C5orf52: variants seen among roughly 807,000 people sequenced by gnomAD.
C5orf52 encodes uncharacterized protein C5orf52.
C5orf52 carries 15 observed loss-of-function variants against 16.8 expected under a neutral mutation model. The ratio of observed to expected loss-of-function variants is 0.89; its 90% CI spans 0.60 to 1.38. The LOEUF (loss-of-function observed/expected upper bound fraction) is 1.38, where lower values mean the gene tolerates loss of function less well. C5orf52 is among the 40% of genes most tolerant of loss of function. The pLI, the probability that C5orf52 is intolerant of heterozygous loss-of-function variation, is 0.00. For synonymous variants in C5orf52, 83 were observed against 87.2 expected, an observed-to-expected ratio of 0.95 and a Z score of 0.27; for missense variants, 206 against 213.1, an observed-to-expected ratio of 0.97 and a Z score of 0.21.
intron 1 of C5orf52, among the ~76,000 whole-genome samples, chr5:157,673,108 A>C (rs2113864692): frequency 6.6e-6 from 1 of 151,706 alleles, no homozygotes; most frequent in Non-Finnish European, 1.5e-5. Flanking sequence ...GAGGCTGAGG[A>C]GGGTGGATCG....
upstream of C5orf52, chr5:157,671,425 C>A (rs1759785278): frequency 3.4e-6 from 2 of 589,078 alleles, no homozygotes; most frequent in Non-Finnish European, 3.1e-6. Context: ...CGTCCGTGGC[C>A]GCCGGACTCT....
rs745466977 is a variant in C5orf52, at chr5:157,671,802, C to T, written c.188C>T (p.Ser63Phe). The T allele has an allele frequency of 6.5e-7, 1 of 1,542,720 alleles. No individual in the cohort carries two copies. The highest frequency in any genetic ancestry group is 1.2e-5 in the South Asian group (1 of 82,672). Residue 63 changes from serine to phenylalanine, a missense_variant, in exon 1 of 3, where the codon TCC becomes TTC. Physicochemically the swap from Ser to Phe is radical, Grantham distance 155. Transcript: ENST00000409999. ...QPQICFPRPR[S>F]AQQPVLFSLM... The stretch of plus-strand genomic sequence containing the variant: ...CAGATCTGCTTTCCGCGGCCGAGGT[C>T]CGCGCAGCAGCCGGTGCTGTTCAGG...
intron 1 of C5orf52, among the ~76,000 whole-genome samples, chr5:157,672,621 C>T (rs1759818212): frequency 6.6e-6 from 1 of 152,046 alleles, no homozygotes; most frequent in Non-Finnish European, 1.5e-5. Context: ...CCAGCCTTTT[C>T]CATCACCTCA....
intron 2 of C5orf52, among the ~76,000 whole-genome samples, chr5:157,677,858 C>A (rs1411672777): frequency 6.6e-6 from 1 of 152,010 alleles, no homozygotes; most frequent in East Asian, 1.9e-4. Flanking sequence ...GTGGCTCAAG[C>A]CTGTAATCTC....
chr5:157,675,274 G>A, intron 2 of C5orf52, 74 bp downstream of exon 2: 1 of 905,892 alleles, frequency 1.1e-6, no homozygotes, highest in Non-Finnish European at 1.7e-6. Flanking sequence ...CTCCCTATAT[G>A]CTGGGATATC....
At chr5:157,678,472 T>TC (rs1759948155) in intron 2 of C5orf52, among the ~76,000 whole-genome samples, 1 of 152,194 alleles carries the variant, frequency 6.6e-6, no homozygotes, top group African/African-American at 2.4e-5. Context: ...TCTTTTCTTT[T>TC]CTGAGACAGA....
In C5orf52 at chr5:157,680,075, T is replaced by A; in HGVS notation, c.*76T>A. 2.2e-6 allele frequency: 3 copies of A among 1,375,692 alleles called. No individual in the cohort carries two copies. In the African/African-American group the frequency reaches 4.4e-5, roughly 20 times the overall value. The allele number at this position is 1,375,692 out of a possible 1,614,324, so 85.2% of individuals were successfully genotyped here. On this transcript the variant is annotated 3_prime_UTR_variant, in exon 3 of 3. Transcript: ENST00000409999. ...TGCCCCAGGGTCACGATGACACCAG[T>A]GTGACCCGAGGAGAACTAGTAACTA...
chr5:157,671,496 C>G, upstream of C5orf52: 3 of 806,038 alleles, frequency 3.7e-6, no homozygotes, highest in South Asian at 1.9e-5. Context: ...TCCCAGGCAA[C>G]GCGCCGCGCT....
chr5:157,677,225 G>A (rs534177508), intron 2 of C5orf52, among the ~76,000 whole-genome samples: 148 of 152,198 alleles, frequency 9.7e-4, no homozygotes, highest in Non-Finnish European at 1.9e-3. Flanking sequence ...TGAATATCCC[G>A]CAGTGTATGG....
At chr5:157,674,292 T>C (rs567191762) in intron 1 of C5orf52, among the ~76,000 whole-genome samples, 122 of 152,262 alleles carry the variant, frequency 8.0e-4, no homozygotes, top group African/African-American at 2.7e-3. Context: ...TTCTCCCTGC[T>C]CTGATTTATA....
chr5:157,679,678 A>T (rs1242092729), intron 2 of C5orf52, among the ~76,000 whole-genome samples, 163 bp from the exon 3 acceptor site: 1 of 152,076 alleles, frequency 6.6e-6, no homozygotes, highest in Non-Finnish European at 1.5e-5. Flanking sequence ...ACAAATAGAG[A>T]AATAGGCTCT....
Position 157,680,110 on chromosome 5 carries a change from C to A in C5orf52, c.*111C>A. The A allele has an allele frequency of 1.0e-6, 1 of 953,384 alleles. No individual in the cohort carries two copies. The highest frequency in any genetic ancestry group is 1.6e-6 in the Non-Finnish European group (1 of 644,438). The allele number at this position is 953,384 out of a possible 1,614,324, so 59.1% of individuals were successfully genotyped here. A position where few individuals can be genotyped will look rare whatever the true frequency, so the allele number is the denominator to read the frequency against. On this transcript the variant is annotated 3_prime_UTR_variant, in exon 3 of 3. Transcript: ENST00000409999. ...GGAGAACTAGTAACTACAACCTACA[C>A]AACTGTAGAACAATAAACAGAAACC...
chr5:157,673,758 C>T (rs905794406), intron 1 of C5orf52, among the ~76,000 whole-genome samples: 10 of 152,030 alleles, frequency 6.6e-5, no homozygotes, highest in Admixed American at 5.9e-4. Context: ...GATTCTCCTG[C>T]CCCAGCCTCC....
chr5:157,674,424 C>T (rs796080563), intron 1 of C5orf52, among the ~76,000 whole-genome samples: 10 of 152,302 alleles, frequency 6.6e-5, no homozygotes, highest in African/African-American at 2.4e-4. Context: ...TACTCCTCTC[C>T]TCTAAGACTC....
chr5:157,680,104 C>T lies in C5orf52; in HGVS notation c.*105C>T. On this transcript the variant is annotated 3_prime_UTR_variant, in exon 3 of 3. Transcript: ENST00000409999. ...ACCCGAGGAGAACTAGTAACTACAA[C>T]CTACACAACTGTAGAACAATAAACA... 1 of 992,644 alleles carries T rather than the reference C, an allele frequency of 1.0e-6. No individual in the cohort carries two copies. The highest frequency in any genetic ancestry group is 1.7e-5 in the South Asian group (1 of 58,222). 61.5% of individuals were successfully genotyped at this position (992,644 alleles called of 1,614,324 possible).
intron 2 of C5orf52, among the ~76,000 whole-genome samples, chr5:157,679,149 A>AG: frequency 6.6e-6 from 1 of 151,896 alleles, no homozygotes. Context: ...AGAAAAAAAA[A>AG]AAGAAATATT....
chr5:157,677,998 GA>G (rs1759936171), intron 2 of C5orf52, among the ~76,000 whole-genome samples: 2 of 151,566 alleles, frequency 1.3e-5, no homozygotes, highest in Non-Finnish European at 2.9e-5. Context: ...AAAAAAAAAA[GA>G]AAAAAAGAAA....
At position 157,671,709 on chromosome 5, in the gene C5orf52, C is replaced by T. The variant is rs1387181895; in HGVS notation, c.95C>T (p.Thr32Ile). ...AAQATTSSSA[T>I]SGSNYQRDRL... is the part of the protein sequence containing the mutation. ...CAGGCGACCACCAGTTCCAGCGCCA[C>T]CTCGGGTTCGAACTACCAGCGCGAT... is the stretch of plus-strand genomic sequence containing the variant. Residue 32 changes from threonine to isoleucine, a missense_variant, in exon 1 of 3, where the codon ACC becomes ATC. Thr to Ile is a moderately conservative substitution (Grantham distance 89). Coordinates refer to ENST00000409999, the MANE Select transcript of C5orf52 (RefSeq NM_001145132.2). 3 of 1,551,450 alleles carry T rather than the reference C, an allele frequency of 1.9e-6. No homozygotes were observed. The highest frequency in any genetic ancestry group is 1.4e-5 in the African/African-American group (1 of 73,188).
intron 1 of C5orf52, among the ~76,000 whole-genome samples, chr5:157,674,000 C>A (rs2113865273): frequency 6.6e-6 from 1 of 152,168 alleles, no homozygotes; most frequent in East Asian, 1.9e-4. Flanking sequence ...GTTCATAAGA[C>A]TACTTCGTGG....
Sources: gnomAD v4.1 joint callset for allele counts (sites outside exome capture counted in the v4.1 genomes callset) on GRCh38, gnomAD v4.1.1 for gene constraint, MANE v1.5 for transcripts, NCBI Gene and HGNC (gene_info 2026-07-23, HGNC 2026-07-21) for gene names.